The following DCUN1D4 variants were observed in gnomAD, a reference collection of about 807,000 sequenced individuals.
DCUN1D4 encodes DCN1-like protein 4.
DCUN1D4 carries 22 observed loss-of-function variants against 47.9 expected under a neutral mutation model. That is an observed-to-expected ratio of 0.46 (90% CI 0.33 to 0.66). DCUN1D4 has a LOEUF of 0.66. Among genes scored for constraint, DCUN1D4 ranks in the 30% least tolerant of loss-of-function variants. DCUN1D4 has a pLI of 0.02. For missense variants in DCUN1D4, 301 were observed against 340.8 expected (o/e 0.88, Z 0.92); for synonymous variants, 121 against 112.2 (o/e 1.08, Z -0.50).
At position 51,914,949 on chromosome 4, in the gene DCUN1D4, T is replaced by C. The variant is rs565014383; in HGVS notation, c.*1365T>C. On this transcript the variant is annotated 3_prime_UTR_variant, in exon 11 of 11. Coordinates refer to ENST00000334635, the MANE Select transcript of DCUN1D4 (RefSeq NM_001040402.3). ...GTTCTGTGAAAACACAAAAGTCTAA[T>C]GATTTGAGTGAGTAAAAGGTAATGG... is the stretch of plus-strand genomic sequence containing the variant. 1.3e-5 allele frequency: 2 copies of C among 151,764 alleles called. No homozygotes were observed. The highest frequency in any genetic ancestry group is 3.4e-3 in the Middle Eastern group (1 of 294). 9.4% of individuals were successfully genotyped at this position (151,764 alleles called of 1,614,324 possible). A position where few individuals can be genotyped will look rare whatever the true frequency, so the allele number is the denominator to read the frequency against.
At chr4:51,846,469 A>G (rs1220326433) in intron 1 of DCUN1D4, among the ~76,000 whole-genome samples, 1 of 151,938 alleles carries the variant, frequency 6.6e-6, no homozygotes, top group Non-Finnish European at 1.5e-5. Context: ...AAACTTTATC[A>G]TTGTCTCCTT....
At chr4:51,897,013 A>G (rs1191735561) in intron 7 of DCUN1D4, among the ~76,000 whole-genome samples, 1 of 152,194 alleles carries the variant, frequency 6.6e-6, no homozygotes, top group Non-Finnish European at 1.5e-5. Flanking sequence ...TGTTGGACTT[A>G]CCATACTCCC....
intron 4 of DCUN1D4, 54 bp downstream of exon 4, chr4:51,874,439 C>T: frequency 7.4e-7 from 1 of 1,356,426 alleles, no homozygotes; most frequent in South Asian, 1.3e-5. Context: ...CGAAGATGCA[C>T]ATTTCTACCT....
intron 9 of DCUN1D4, among the ~76,000 whole-genome samples, chr4:51,911,485 T>C (rs1733710691): frequency 6.6e-6 from 1 of 152,196 alleles, no homozygotes; most frequent in Non-Finnish European, 1.5e-5. Context: ...TTTGTAACAA[T>C]AGAAAAAGAA....
the DCUN1D4 span, among the ~76,000 whole-genome samples, chr4:51,834,824 T>G: frequency 6.6e-6 from 1 of 152,290 alleles, no homozygotes; most frequent in South Asian, 2.1e-4. Flanking sequence ...GTCTGATCCA[T>G]GCACAATGGC....
chr4:51,903,111 A>G (rs1221423422), intron 8 of DCUN1D4, among the ~76,000 whole-genome samples: 2 of 152,156 alleles, frequency 1.3e-5, no homozygotes, highest in Non-Finnish European at 2.9e-5. Flanking sequence ...AATACCAAAT[A>G]TATCATATAT....
upstream of DCUN1D4, among the ~76,000 whole-genome samples, chr4:51,840,954 G>C (rs981386801): frequency 1.3e-5 from 2 of 152,122 alleles, no homozygotes; most frequent in Non-Finnish European, 2.9e-5. Flanking sequence ...TGACTCAACT[G>C]AAAGCAATGT....
chr4:51,881,407 C>T (rs1180600211), intron 5 of DCUN1D4, among the ~76,000 whole-genome samples: 1 of 152,034 alleles, frequency 6.6e-6, no homozygotes, highest in Non-Finnish European at 1.5e-5. Context: ...GGTCTGATAG[C>T]GAAGGAAGAG....
chr4:51,899,950 T>G (rs1226114941), intron 8 of DCUN1D4, among the ~76,000 whole-genome samples: 1 of 152,172 alleles, frequency 6.6e-6, no homozygotes, highest in Non-Finnish European at 1.5e-5. Flanking sequence ...GAAATAAAAA[T>G]CTTACTTTTC....
At chr4:51,845,217 T>TTG in intron 1 of DCUN1D4, 6 of 985,460 alleles carry the variant, frequency 6.1e-6, no homozygotes, top group Non-Finnish European at 7.2e-6. Flanking sequence ...CAGCATTCCC[T>TTG]TGCATAAATA....
chr4:51,859,450 T>A (rs1724674579), intron 1 of DCUN1D4, among the ~76,000 whole-genome samples: 1 of 151,916 alleles, frequency 6.6e-6, no homozygotes, highest in Non-Finnish European at 1.5e-5. Flanking sequence ...GACTGTTAAT[T>A]TTTGTTTCTT....
intron 1 of DCUN1D4, among the ~76,000 whole-genome samples, chr4:51,857,585 C>G (rs1724338111): frequency 6.6e-6 from 1 of 152,188 alleles, no homozygotes; most frequent in African/African-American, 2.4e-5. Flanking sequence ...TGTTTGTTTT[C>G]ATGTAAGACT....
intron 1 of DCUN1D4, among the ~76,000 whole-genome samples, chr4:51,848,727 A>G (rs1040103940): frequency 6.6e-6 from 1 of 152,234 alleles, no homozygotes; most frequent in Non-Finnish European, 1.5e-5. Flanking sequence ...TATTTTAACA[A>G]TCATTGTGTG....
In DCUN1D4 at chr4:51,899,391, G is replaced by T; in HGVS notation, c.615+13G>T. Reference sequence around the variant, plus strand: ...TGACTTTGCACGGGTGAGTTCTCTGGAGCCTATCCAGATGTTTCCCTCTCT... The same window carrying T: ...TGACTTTGCACGGGTGAGTTCTCTGTAGCCTATCCAGATGTTTCCCTCTCT... On this transcript the variant is annotated intron_variant, in intron 8 of 10. Transcript: ENST00000334635. 1 of 1,594,956 alleles carries T rather than the reference G, an allele frequency of 6.3e-7. No individual in the cohort carries two copies. Among genetic ancestry groups the T allele is most frequent in the Non-Finnish European group, 8.5e-7 (1 of 1,171,520 alleles).
At chr4:51,903,202 A>T in intron 8 of DCUN1D4, among the ~76,000 whole-genome samples, 1 of 151,794 alleles carries the variant, frequency 6.6e-6, no homozygotes, top group African/African-American at 2.4e-5. Flanking sequence ...ACTTTCTTTA[A>T]TGTTTCTCAT....
chr4:51,834,858 G>GT, the DCUN1D4 span, among the ~76,000 whole-genome samples: 3 of 152,210 alleles, frequency 2.0e-5, no homozygotes, highest in African/African-American at 7.2e-5. Context: ...CGCATTGCTT[G>GT]TAACTACACT....
upstream of DCUN1D4, among the ~76,000 whole-genome samples, chr4:51,839,186 A>AAG (rs1553913619): frequency 7.1e-6 from 1 of 141,542 alleles, no homozygotes; most frequent in Non-Finnish European, 1.5e-5. Context: ...GGAAGAAAGG[A>AAG]GAAGGAAGGA....
chr4:51,846,142 T>C (rs1484273170), intron 1 of DCUN1D4, among the ~76,000 whole-genome samples: 2 of 152,212 alleles, frequency 1.3e-5, no homozygotes, highest in African/African-American at 4.8e-5. Context: ...TATACACATA[T>C]AGCCCACCTC....
intron 1 of DCUN1D4, chr4:51,844,489 C>G (rs1722178960): frequency 4.7e-6 from 4 of 853,300 alleles, no homozygotes; most frequent in East Asian, 1.2e-4. Flanking sequence ...CCGGAGGGGT[C>G]GGGCCCTGAT....
Sources: gnomAD v4.1 joint callset for allele counts (sites outside exome capture counted in the v4.1 genomes callset) on GRCh38, gnomAD v4.1.1 for gene constraint, MANE v1.5 for transcripts, NCBI Gene and HGNC (gene_info 2026-07-23, HGNC 2026-07-21) for gene names.